Variants in KIAA2012 observed in about 807,000 individuals in gnomAD.
The protein encoded by KIAA2012 is KIAA2012, also known as uncharacterized protein KIAA2012.
KIAA2012 carries 125 observed loss-of-function variants against 150.6 expected under a neutral mutation model. The ratio of observed to expected loss-of-function variants is 0.83; its 90% CI spans 0.72 to 0.96. The LOEUF is 0.96. KIAA2012 is among the 40% of genes least tolerant of loss of function. The pLI, the probability that KIAA2012 is intolerant of heterozygous loss-of-function variation, is 0.00. For missense variants in KIAA2012, 1,219 were observed against 1,354.9 expected (o/e 0.90, Z 1.57); for synonymous variants, 462 against 504.7 (o/e 0.92, Z 1.13).
intron 13 of KIAA2012, among the ~76,000 whole-genome samples, chr2:202,150,140 C>A (rs1437934625): frequency 6.6e-6 from 1 of 152,208 alleles, no homozygotes; most frequent in Non-Finnish European, 1.5e-5. Flanking sequence ...AAGATTAGCT[C>A]TTGAATTCAT....
intron 2 of KIAA2012, among the ~76,000 whole-genome samples, chr2:202,076,273 A>C (rs945018595): frequency 3.3e-5 from 5 of 152,216 alleles, no homozygotes. Context: ...CCATGTCTAA[A>C]TCATTTCCAG....
intron 2 of KIAA2012, among the ~76,000 whole-genome samples, chr2:202,076,270 T>C (rs552059046): frequency 6.6e-6 from 1 of 152,350 alleles, no homozygotes; most frequent in South Asian, 2.1e-4. Flanking sequence ...GGACCATGTC[T>C]AAATCATTTC....
intron 12 of KIAA2012, among the ~76,000 whole-genome samples, chr2:202,130,637 C>T (rs944842361): frequency 3.9e-5 from 6 of 152,198 alleles, no homozygotes; most frequent in African/African-American, 1.4e-4. Context: ...AAGCTTAAGG[C>T]CAGTCGCAGT....
At chr2:202,090,397 C>T (rs1689686447) in intron 2 of KIAA2012, among the ~76,000 whole-genome samples, 1 of 152,226 alleles carries the variant, frequency 6.6e-6, no homozygotes, top group Admixed American at 6.5e-5. Flanking sequence ...AATGCCAATG[C>T]AGATTTGTGA....
In KIAA2012 at chr2:202,109,639, G is replaced by A; in HGVS notation, c.1501G>A (p.Ala501Thr). The A allele has an allele frequency of 3.2e-6, 5 of 1,545,048 alleles. No individual in the cohort carries two copies. Among genetic ancestry groups the A allele is most frequent in the Non-Finnish European group, 4.4e-6 (5 of 1,145,116 alleles). ...TGATGATGCCCCACCTCACGATGTG[G>A]CCCCACCATTGGATCTTCTACCCCC... ...QDDDAPPHDV[A>T]PPLDLLPPIK... is the part of the protein sequence containing the mutation. Residue 501 changes from alanine (A) to threonine (T), a missense_variant, in exon 10 of 24, where the codon GCC becomes ACC. Coordinates refer to ENST00000498697, the MANE Select transcript of KIAA2012 (RefSeq NM_001277372.4).
In KIAA2012 at chr2:202,193,367, A is replaced by G; in HGVS notation, c.2878A>G (p.Met960Val). The change falls in exon 20 of 24, where the codon ATG becomes GTG. Residue 960 changes from methionine (M) to valine (V), a missense_variant. Physicochemically the swap from Met to Val is conservative, Grantham distance 21. Coordinates refer to ENST00000498697, the MANE Select transcript of KIAA2012 (RefSeq NM_001277372.4). The part of the protein sequence containing the change: ...WDRLRAERAE[M>V]RWLEVEKKRR... ...CAGGCTTCGAGCAGAAAGAGCCGAGATGAGGTGGCTGGAGGTGGAGAAGAA... is the reference window on the plus strand; with the variant it reads ...CAGGCTTCGAGCAGAAAGAGCCGAGGTGAGGTGGCTGGAGGTGGAGAAGAA... 1 of 1,550,294 alleles carries G rather than the reference A, an allele frequency of 6.5e-7. No individual in the cohort carries two copies. The highest frequency in any genetic ancestry group is 8.7e-7 in the Non-Finnish European group (1 of 1,146,838).
intron 15 of KIAA2012, among the ~76,000 whole-genome samples, chr2:202,167,811 T>A (rs1691803240): frequency 6.6e-6 from 1 of 151,828 alleles, no homozygotes; most frequent in African/African-American, 2.4e-5. Flanking sequence ...ACCACTGCAC[T>A]CCAGCCTGGA....
chr2:202,183,815 A>G (rs1692173364), intron 15 of KIAA2012, among the ~76,000 whole-genome samples: 1 of 152,158 alleles, frequency 6.6e-6, no homozygotes, highest in Admixed American at 6.6e-5. Context: ...TTTAAAATCA[A>G]CTTGCTTTTC....
chr2:202,184,727 TATTG>T, intron 15 of KIAA2012, 22 bp from the exon 16 acceptor site: 1 of 1,486,636 alleles, frequency 6.7e-7, no homozygotes, highest in Non-Finnish European at 9.0e-7. Flanking sequence ...TGTTGTCCTT[TATTG>T]ATTGATACTC....
In KIAA2012 at chr2:202,196,826, T is replaced by C. The variant is rs1440369932; in HGVS notation, c.3214T>C (p.Leu1072=). Residue 1072 remains leucine (L), a synonymous_variant, in exon 22 of 24, where the codon TTG becomes CTG. Transcript: ENST00000498697. ...AEAEKQRQEE[L]EMQLEEEQKH... is the part of the protein sequence containing the mutation. ...GGCAGAGAAGCAAAGGCAAGAGGAA[T>C]TGGAAATGCAGTTAGAAGAAGAACA... The C allele has an allele frequency of 1.2e-5, 18 of 1,550,322 alleles. No homozygotes were observed. The highest frequency in any genetic ancestry group is 7.8e-5 in the Admixed American group (4 of 50,976).
chr2:202,122,302 A>C (rs375888638), intron 11 of KIAA2012, among the ~76,000 whole-genome samples: 161 of 152,318 alleles, frequency 1.1e-3, no homozygotes, highest in African/African-American at 3.7e-3. Context: ...AATCAGCCAG[A>C]CAACACTGGG....
At chr2:202,160,352 C>T (rs1489802985) in intron 14 of KIAA2012, among the ~76,000 whole-genome samples, 3 of 132,530 alleles carry the variant, frequency 2.3e-5, no homozygotes, top group African/African-American at 8.7e-5. Flanking sequence ...CTCGCTCTGT[C>T]ACCCAGGCTA....
chr2:202,099,009 A>G (rs2105920400), intron 5 of KIAA2012, among the ~76,000 whole-genome samples: 1 of 151,692 alleles, frequency 6.6e-6, no homozygotes, highest in Middle Eastern at 3.4e-3. Context: ...TGGGGGAGGG[A>G]CACGATCTTG....
At chr2:202,109,592 T>C in intron 9 of KIAA2012, 21 bp from the exon 10 acceptor site, 1 of 1,505,534 alleles carries the variant, frequency 6.6e-7, no homozygotes, top group Non-Finnish European at 8.9e-7. Context: ...ACACAGGCTT[T>C]TTCCCCTTTT....
intron 6 of KIAA2012, 84 bp from the exon 7 acceptor site, chr2:202,100,223 C>A: frequency 7.2e-7 from 1 of 1,398,048 alleles, no homozygotes; most frequent in Non-Finnish European, 9.7e-7. Context: ...TCCCCATTAA[C>A]TACGACGTGA....
chr2:202,168,613 G>A (rs1559226865), intron 15 of KIAA2012, among the ~76,000 whole-genome samples: 1 of 152,004 alleles, frequency 6.6e-6, no homozygotes, highest in Non-Finnish European at 1.5e-5. Context: ...GGTATTGGGG[G>A]TGCTTTTGGG....
chr2:202,196,842 A>C lies in KIAA2012; in HGVS notation c.3230A>C (p.Glu1077Ala). ...CAAGAGGAATTGGAAATGCAGTTAGAAGAAGAACAAAAACACCTGATGGAA... is the reference window on the plus strand; with the variant it reads ...CAAGAGGAATTGGAAATGCAGTTAGCAGAAGAACAAAAACACCTGATGGAA... ...QRQEELEMQLEEEQKHLMEMA... is the reference protein window; with the variant it reads ...QRQEELEMQLAEEQKHLMEMA... The change falls in exon 22 of 24, where the codon GAA (glutamate) becomes GCA (alanine). Residue 1077 changes from glutamate to alanine, a missense_variant. Coordinates refer to ENST00000498697, the MANE Select transcript of KIAA2012 (RefSeq NM_001277372.4). 1 of 1,549,996 alleles carries C rather than the reference A, an allele frequency of 6.5e-7. No homozygotes were observed. The highest frequency in any genetic ancestry group is 8.7e-7 in the Non-Finnish European group (1 of 1,146,930).
intron 7 of KIAA2012, among the ~76,000 whole-genome samples, chr2:202,102,342 G>A (rs1224370032): frequency 6.6e-6 from 1 of 152,066 alleles, no homozygotes; most frequent in Non-Finnish European, 1.5e-5. Context: ...GCTAACGAGA[G>A]GAGAGTCTAC....
At chr2:202,181,655 A>G (rs1410840854) in intron 15 of KIAA2012, among the ~76,000 whole-genome samples, 1 of 152,184 alleles carries the variant, frequency 6.6e-6, no homozygotes, top group African/African-American at 2.4e-5. Context: ...TTAAAATTGA[A>G]TATACACTAA....
Sources: allele counts gnomAD v4.1 joint callset (sites outside exome capture counted in the v4.1 genomes callset), GRCh38; gene constraint gnomAD v4.1.1; transcripts MANE v1.5; gene names NCBI Gene and HGNC (gene_info 2026-07-23, HGNC 2026-07-21).